The following DAZAP1 variants were observed in gnomAD, a reference collection of about 807,000 sequenced individuals.
The protein encoded by DAZAP1 is DAZ-associated protein 1.
Under a neutral mutation model 60.1 loss-of-function variants are expected in DAZAP1, and 6 were observed. That is an observed-to-expected ratio of 0.10 (90% CI 0.05 to 0.20). DAZAP1 has a LOEUF of 0.20. DAZAP1 is among the 10% of genes least tolerant of loss of function. DAZAP1 has a pLI of 1.00. For synonymous variants in DAZAP1, 235 were observed against 215.9 expected, an observed-to-expected ratio of 1.09 and a Z score of -0.78; for missense variants, 366 against 560.4, an observed-to-expected ratio of 0.65 and a Z score of 3.50.
chr19:1,424,157 G>A lies in DAZAP1; in HGVS notation c.464-1721G>A, dbSNP rs1198409596. On this transcript the variant is annotated intron_variant, in intron 6 of 11. Transcript: ENST00000233078. ...CTGTCAGGGACCCCGCCTGTGTCTC[G>A]GGCACACAGTGTCTGTGCGGGTCCC... Among the ~76,000 whole-genome samples the A allele has an allele frequency of 6.6e-5, 10 of 151,760 alleles. No homozygotes were observed. The East Asian group carries it at 1.6e-3, about 24-fold the overall frequency.
Position 1,419,778 on chromosome 19 carries a change from C to T in DAZAP1, c.303+1047C>T, listed in dbSNP as rs2083093394. On this transcript the variant is annotated intron_variant, in intron 4 of 11. Coordinates refer to ENST00000233078, the MANE Select transcript of DAZAP1 (RefSeq NM_018959.4). Reference sequence around the variant, plus strand: ...CGACCGTCACGGCAGCGAGCACTCACCCCACGCACACACTCATGAAACCAT... The same window carrying T: ...CGACCGTCACGGCAGCGAGCACTCATCCCACGCACACACTCATGAAACCAT... Among the ~76,000 whole-genome samples the T allele has an allele frequency of 1.3e-5, 2 of 151,862 alleles. 1 individual carries two copies. Among genetic ancestry groups the T allele is most frequent in the South Asian group, 4.2e-4 (2 of 4,800 alleles).
intron 9 of DAZAP1, 22 bp from the exon 10 acceptor site, chr19:1,430,200 A>G (rs1172343032): frequency 1.1e-5 from 18 of 1,577,034 alleles, no homozygotes; most frequent in Non-Finnish European, 1.5e-5. Context: ...TCTGTCCATC[A>G]CCCCCGTACT....
chr19:1,414,849 A>G (rs530048194), intron 1 of DAZAP1, among the ~76,000 whole-genome samples: 31 of 151,074 alleles, frequency 2.1e-4, no homozygotes, highest in African/African-American at 7.3e-4. Flanking sequence ...TATTTAAGAG[A>G]TGAGATCTCT....
chr19:1,432,221 CT>C lies in DAZAP1; in HGVS notation c.872-292del. Reference sequence around the variant, plus strand: ...AGCAATTTTGCTGTGAGGTTACTTGCTCCTTGAGTTCTTGTCTGAGGCCCAC... The same window carrying C: ...AGCAATTTTGCTGTGAGGTTACTTGCCCTTGAGTTCTTGTCTGAGGCCCAC... On this transcript the variant is annotated intron_variant, in intron 10 of 11. Transcript: ENST00000233078. This position sits in a 1 kb window ranked among gnomAD's most constrained non-coding sequence, Gnocchi z 4.9. The C allele has an allele frequency of 4.1e-6, 2 of 490,382 alleles. No individual in the cohort carries two copies. The highest frequency in any genetic ancestry group is 7.3e-6 in the Non-Finnish European group (2 of 274,300). 30.4% of individuals were successfully genotyped at this position (490,382 alleles called of 1,614,324 possible). A position where few individuals can be genotyped will look rare whatever the true frequency, so the allele number is the denominator to read the frequency against.
At position 1,418,565 on chromosome 19, in the gene DAZAP1, G is replaced by GCGGGC. The variant is rs1289412325; in HGVS notation, c.238-95_238-91dup. The GCGGGC allele has an allele frequency of 5.5e-5, 82 of 1,502,970 alleles. No individual in the cohort carries two copies. In the East Asian group the frequency reaches 1.6e-3, roughly 29 times the overall value. 93.1% of individuals were successfully genotyped at this position (1,502,970 alleles called of 1,614,324 possible). On this transcript the variant is annotated intron_variant, in intron 3 of 11. Transcript: ENST00000233078. This position sits in a 1 kb window ranked among gnomAD's most constrained non-coding sequence, Gnocchi z 5.7. ...GGGTGAATGGAGCCGGCGGGGCGGGGCGGGCCGGGCTGCTGTGCCGTGGCT... is the reference window on the plus strand; with the variant it reads ...GGGTGAATGGAGCCGGCGGGGCGGGGCGGGCCGGGCCGGGCTGCTGTGCCGTGGCT...
chr19:1,420,116 A>G (rs58327750), intron 4 of DAZAP1, among the ~76,000 whole-genome samples: 1,278 of 101,416 alleles, frequency 0.013, 103 homozygotes, highest in African/African-American at 0.073. Flanking sequence ...CACACTCATG[A>G]AACCATCCCG....
chr19:1,420,507 G>A (rs567083065), intron 4 of DAZAP1, among the ~76,000 whole-genome samples: 2 of 151,880 alleles, frequency 1.3e-5, no homozygotes, highest in South Asian at 2.1e-4. Flanking sequence ...AAGGATGGTT[G>A]GTGGGTGGGG....
At chr19:1,411,665 T>G (rs1275063327) in intron 1 of DAZAP1, among the ~76,000 whole-genome samples, 2 of 152,168 alleles carry the variant, frequency 1.3e-5, no homozygotes, top group African/African-American at 2.4e-5. Flanking sequence ...GCGCGCAGCG[T>G]GCCCAGCTGT....
At position 1,428,700 on chromosome 19, in the gene DAZAP1, C is replaced by G. The variant is rs2083365056; in HGVS notation, c.547-142C>G. ...TTTTTTAAGAAAAAAATGCTACTGGCCTAAATAAGGTTTATAGTTAAGTAT... is the reference window on the plus strand; with the variant it reads ...TTTTTTAAGAAAAAAATGCTACTGGGCTAAATAAGGTTTATAGTTAAGTAT... On this transcript the variant is annotated intron_variant, in intron 7 of 11. Transcript: ENST00000233078. This position sits in a 1 kb window ranked among gnomAD's most constrained non-coding sequence, Gnocchi z 4.0. 3.0e-6 allele frequency: 3 copies of G among 1,011,174 alleles called. No individual in the cohort carries two copies. The Admixed American group carries it at 8.1e-5, about 27-fold the overall frequency. The allele number at this position is 1,011,174 out of a possible 1,614,324, so 62.6% of individuals were successfully genotyped here. A position where few individuals can be genotyped will look rare whatever the true frequency, so the allele number is the denominator to read the frequency against.
intron 6 of DAZAP1, among the ~76,000 whole-genome samples, chr19:1,424,670 G>A (rs1036880271): frequency 5.3e-5 from 8 of 151,876 alleles, no homozygotes; most frequent in African/African-American, 1.2e-4. Context: ...GCTCGTTCAC[G>A]CCTCACGCCC....
Position 1,407,822 on chromosome 19 carries a change from G to A in DAZAP1, c.29+20G>A, listed in dbSNP as rs930397868. ...GATCGGGTGAGGACGAGCGGCGCGG[G>A]CCTGCGTCTCCGCCCCGAGCCCGGC... On this transcript the variant is annotated intron_variant, in intron 1 of 11. Transcript: ENST00000233078. 9.4e-6 allele frequency: 10 copies of A among 1,068,826 alleles called. No homozygotes were observed. The highest frequency in any genetic ancestry group is 1.1e-5 in the Non-Finnish European group (10 of 883,854). 66.2% of individuals were successfully genotyped at this position (1,068,826 alleles called of 1,614,324 possible). A position where few individuals can be genotyped will look rare whatever the true frequency, so the allele number is the denominator to read the frequency against.
rs1055832490 is a variant in DAZAP1, at chr19:1,431,319, C to T, written c.871+957C>T. On this transcript the variant is annotated intron_variant, in intron 10 of 11. Coordinates refer to ENST00000233078, the MANE Select transcript of DAZAP1 (RefSeq NM_018959.4). Reference sequence around the variant, plus strand: ...AATTTTTTTGTATTTTTAGTAGAGACAGGGTTTCACCGTGTTAGGCAGGAT... The same window carrying T: ...AATTTTTTTGTATTTTTAGTAGAGATAGGGTTTCACCGTGTTAGGCAGGAT... 9.5e-5 allele frequency among the ~76,000 whole-genome samples: 14 copies of T among 146,700 alleles called. No homozygotes were observed. The East Asian group carries it at 2.5e-3, about 26-fold the overall frequency.
In DAZAP1 at chr19:1,422,329, C is replaced by T. The variant is rs752472805; in HGVS notation, c.415-19C>T. On this transcript the variant is annotated intron_variant, in intron 5 of 11. Coordinates refer to ENST00000233078, the MANE Select transcript of DAZAP1 (RefSeq NM_018959.4). This position sits in a 1 kb window ranked among gnomAD's most constrained non-coding sequence, Gnocchi z 4.5. ...GTGCTGGCCCTGGTGTCCGTGCTGA[C>T]GCCACCCTCTCCTTCCAGGTCACGG... 24 of 1,613,442 alleles carry T rather than the reference C, an allele frequency of 1.5e-5. No homozygotes were observed. The Admixed American group carries it at 1.7e-4, about 11-fold the overall frequency.
chr19:1,422,205 C>A lies in DAZAP1; in HGVS notation c.415-143C>A. ...TTTCTCAGACAGCAGCCCCACGGAG[C>A]AGCTGTTGCCCGTGCACCTCCCCCG... is the stretch of plus-strand genomic sequence containing the variant. On this transcript the variant is annotated intron_variant, in intron 5 of 11. Coordinates refer to ENST00000233078, the MANE Select transcript of DAZAP1 (RefSeq NM_018959.4). This position sits in a 1 kb window ranked among gnomAD's most constrained non-coding sequence, Gnocchi z 4.5. 1.4e-6 allele frequency: 1 copy of A among 693,220 alleles called. No homozygotes were observed. The highest frequency in any genetic ancestry group is 2.5e-6 in the Non-Finnish European group (1 of 396,692). 42.9% of individuals were successfully genotyped at this position (693,220 alleles called of 1,614,324 possible).
chr19:1,427,670 G>T (rs957185876), intron 7 of DAZAP1: 2 of 152,168 alleles, frequency 1.3e-5, no homozygotes, highest in South Asian at 4.1e-4. Context: ...GTGAAGACTC[G>T]CTCATTTGAG....
At chr19:1,431,493 G>C (rs2083451585) in intron 10 of DAZAP1, among the ~76,000 whole-genome samples, 1 of 148,438 alleles carries the variant, frequency 6.7e-6, no homozygotes, top group African/African-American at 2.5e-5. Flanking sequence ...GCAGTGCCCC[G>C]ATCTTGGCTC....
At chr19:1,424,774 A>G (rs2144849174) in intron 6 of DAZAP1, among the ~76,000 whole-genome samples, 1 of 151,950 alleles carries the variant, frequency 6.6e-6, no homozygotes, top group Admixed American at 6.5e-5. Flanking sequence ...AGCTCTTCCC[A>G]TGTCCATCTT....
In DAZAP1 at chr19:1,426,033, G is replaced by T; in HGVS notation, c.546+73G>T. ...GGCAACTTAGGGGTTTCACTGGAAA[G>T]GAACATTCCTTCACGGAAAGGGTCG... is the stretch of plus-strand genomic sequence containing the variant. On this transcript the variant is annotated intron_variant, in intron 7 of 11. Transcript: ENST00000233078. This position sits in a 1 kb window ranked among gnomAD's most constrained non-coding sequence, Gnocchi z 5.4. The T allele has an allele frequency of 7.3e-6, 8 of 1,090,054 alleles. No individual in the cohort carries two copies. In the South Asian group the frequency reaches 8.7e-5, roughly 12 times the overall value. The allele number at this position is 1,090,054 out of a possible 1,614,324, so 67.5% of individuals were successfully genotyped here. A position where few individuals can be genotyped will look rare whatever the true frequency, so the allele number is the denominator to read the frequency against.
At chr19:1,424,639 C>A (rs992489819) in intron 6 of DAZAP1, among the ~76,000 whole-genome samples, 4 of 151,684 alleles carry the variant, frequency 2.6e-5, no homozygotes, top group Non-Finnish European at 5.9e-5. Context: ...GTTCCCACCC[C>A]CCACGGCCCT....
Sources: gnomAD v4.1 joint callset for allele counts (sites outside exome capture counted in the v4.1 genomes callset) on GRCh38, gnomAD v4.1.1 for gene constraint, Gnocchi (gnomAD v3.1) non-coding constraint, MANE v1.5 for transcripts, NCBI Gene and HGNC (gene_info 2026-07-23, HGNC 2026-07-21) for gene names.